The following DPRX variants were observed in gnomAD, a reference collection of about 807,000 sequenced individuals.
DPRX encodes the protein divergent paired-related homeobox.
Under a neutral mutation model 8.4 loss-of-function variants are expected in DPRX, and 11 were observed. The ratio of observed to expected loss-of-function variants is 1.31; its 90% CI spans 0.82 to 2.17. DPRX has a LOEUF of 2.17. DPRX is among the 30% of genes most tolerant of loss of function. The probability of loss-of-function intolerance (pLI) is 0.00; values close to 1 mark genes in which losing one functional copy is unlikely to be tolerated. For missense variants in DPRX, 211 were observed against 236.7 expected, an observed-to-expected ratio of 0.89 and a Z score of 0.71; for synonymous variants, 72 against 87.0, an observed-to-expected ratio of 0.83 and a Z score of 0.96.
exon 3 of DPRX, chr19:53,636,728 A>T: frequency 6.2e-7 from 1 of 1,614,172 alleles, no homozygotes; most frequent in Non-Finnish European, 8.5e-7. Flanking sequence ...AAATGCAGAC[A>T]CACTACCCAG....
At chr19:53,636,552 G>A (rs534033136) in intron 2 of DPRX, 44 bp from the exon 3 acceptor site, 4 of 1,371,592 alleles carry the variant, frequency 2.9e-6, no homozygotes, top group South Asian at 2.3e-5. Flanking sequence ...AGAATGACAA[G>A]TCATCTGAAT....
intron 2 of DPRX, 54 bp from the exon 3 acceptor site, chr19:53,636,542 A>C: frequency 7.5e-7 from 1 of 1,339,534 alleles, no homozygotes; most frequent in Non-Finnish European, 9.6e-7. Flanking sequence ...TTTTAAAAAT[A>C]GAATGACAAG....
the DPRX span, chr19:53,606,425 C>T: frequency 6.6e-6 from 1 of 152,472 alleles, no homozygotes; most frequent in African/African-American, 2.4e-5. The surrounding 1 kb of genome is among the most constrained non-coding windows in gnomAD (Gnocchi z 4.8). Flanking sequence ...GAGAGAGCAT[C>T]CAGCACTGAC....
the DPRX span, chr19:53,601,286 A>C: frequency 3.3e-5 from 15 of 456,036 alleles, no homozygotes; most frequent in Non-Finnish European, 3.1e-5. Flanking sequence ...CAGACTCCAC[A>C]TTGGGCCCAG....
upstream of DPRX, chr19:53,630,007 G>C (rs1200144989): frequency 6.6e-6 from 1 of 151,622 alleles, no homozygotes; most frequent in African/African-American, 2.4e-5. Context: ...AGGAGTTTGA[G>C]ACCAGTCTGG....
chr19:53,635,404 C>T (rs11672792), intron 2 of DPRX, among the ~76,000 whole-genome samples: 51,460 of 151,984 alleles, frequency 0.34, 8,864 homozygotes, highest in East Asian at 0.43. Context: ...TGCAGTGGCA[C>T]GATCATAGCT....
At chr19:53,601,772 T>G in the DPRX span, among the ~76,000 whole-genome samples, 7 of 151,922 alleles carry the variant, frequency 4.6e-5, no homozygotes, top group South Asian at 4.2e-4. Flanking sequence ...GTGAGCCACC[T>G]CACCTGGCTC....
the DPRX span, among the ~76,000 whole-genome samples, chr19:53,602,643 C>G: frequency 6.6e-6 from 1 of 151,764 alleles, no homozygotes; most frequent in East Asian, 1.9e-4. Context: ...AAATAATTCT[C>G]CTGCCTCAGT....
intron 2 of DPRX, among the ~76,000 whole-genome samples, chr19:53,636,101 C>T (rs1440414694): frequency 6.6e-6 from 1 of 152,158 alleles, no homozygotes; most frequent in Non-Finnish European, 1.5e-5. Flanking sequence ...GGTATGGTGG[C>T]TCATGCCTGT....
chr19:53,620,000 A>G, the DPRX span, among the ~76,000 whole-genome samples: 292 of 152,192 alleles, frequency 1.9e-3, no homozygotes, highest in African/African-American at 6.5e-3. Context: ...AAAGACTGGG[A>G]CATTTCTGTG....
the DPRX span, among the ~76,000 whole-genome samples, chr19:53,614,776 T>A: frequency 6.6e-6 from 1 of 152,070 alleles, no homozygotes; most frequent in Admixed American, 6.6e-5. Context: ...TTTCTGATTT[T>A]AGGTCTGCAG....
At chr19:53,625,268 A>G in the DPRX span, among the ~76,000 whole-genome samples, 7 of 151,742 alleles carry the variant, frequency 4.6e-5, no homozygotes, top group African/African-American at 1.7e-4. Flanking sequence ...ACCCAGACTC[A>G]TCTCAAACTC....
the DPRX span, among the ~76,000 whole-genome samples, chr19:53,616,630 T>G: frequency 8.5e-5 from 13 of 152,310 alleles, no homozygotes; most frequent in East Asian, 2.3e-3. Flanking sequence ...GGTGCATGCC[T>G]GTAATTCCGG....
At chr19:53,625,225 A>T in the DPRX span, among the ~76,000 whole-genome samples, 4 of 151,280 alleles carry the variant, frequency 2.6e-5, no homozygotes, top group African/African-American at 9.7e-5. Context: ...TAATTGAAAA[A>T]TTTTTTTTGT....
chr19:53,612,076 T>A, the DPRX span, among the ~76,000 whole-genome samples: 2 of 150,536 alleles, frequency 1.3e-5, no homozygotes, highest in African/African-American at 4.9e-5. Context: ...AGAGCGAGAC[T>A]CCACCTCAAA....
chr19:53,609,328 C>T, the DPRX span, among the ~76,000 whole-genome samples: 8 of 151,494 alleles, frequency 5.3e-5, 1 homozygote, highest in South Asian at 1.5e-3. Flanking sequence ...ATTAGCTGCG[C>T]ATGGTGGCAG....
chr19:53,625,244 G>T, the DPRX span, among the ~76,000 whole-genome samples: 1 of 151,590 alleles, frequency 6.6e-6, no homozygotes, highest in Non-Finnish European at 1.5e-5. Context: ...GTAGAGACAG[G>T]ATTTGGCTTT....
chr19:53,618,632 A>AG, the DPRX span, among the ~76,000 whole-genome samples: 1 of 150,918 alleles, frequency 6.6e-6, no homozygotes, highest in Non-Finnish European at 1.5e-5. Flanking sequence ...AAAAAAAAAA[A>AG]AAGAGTACTA....
chr19:53,606,669 C>T, the DPRX span: 1 of 149,910 alleles, frequency 6.7e-6, no homozygotes, highest in Non-Finnish European at 1.5e-5. This position sits in a 1 kb window ranked among gnomAD's most constrained non-coding sequence, Gnocchi z 4.8. Flanking sequence ...TGGAGGGCTT[C>T]TTCTCCTGCG....
Sources: allele counts gnomAD v4.1 joint callset (sites outside exome capture counted in the v4.1 genomes callset), GRCh38; gene constraint gnomAD v4.1.1; non-coding constraint Gnocchi (gnomAD v3.1); transcripts MANE v1.5; gene names NCBI Gene and HGNC (gene_info 2026-07-23, HGNC 2026-07-21).